The following MGST2 variants were observed in gnomAD, a reference collection of about 807,000 sequenced individuals.
MGST2 encodes the protein microsomal glutathione S-transferase 2.
Under a neutral mutation model 16.6 loss-of-function variants are expected in MGST2, and 9 were observed. That is an observed-to-expected ratio of 0.54 (90% CI 0.33 to 0.95). The LOEUF is 0.95. Among genes scored for constraint, MGST2 ranks in the 40% least tolerant of loss-of-function variants. MGST2 has a pLI of 0.03. For missense variants in MGST2, 159 were observed against 175.1 expected (o/e 0.91, Z 0.52); for synonymous variants, 79 against 68.0 (o/e 1.16, Z -0.79).
At chr4:139,683,716 C>T (rs765961883) in intron 2 of MGST2, among the ~76,000 whole-genome samples, 1 of 151,858 alleles carries the variant, frequency 6.6e-6, no homozygotes, top group African/African-American at 2.4e-5. Flanking sequence ...TGTATTAGTC[C>T]GTTTTCACAC....
Position 139,703,438 on chromosome 4 carries a change from T to C in MGST2, c.230-17T>C. 6.2e-7 allele frequency: 1 copy of C among 1,610,996 alleles called. No individual in the cohort carries two copies. Among genetic ancestry groups the C allele is most frequent in the Non-Finnish European group, 8.5e-7 (1 of 1,177,210 alleles). ...TGTATTTTGTGCCTTTTCTTTTTTT[T>C]TCCCACCCCCCTATAGTTTTTGCTA... On this transcript the variant is annotated splice_polypyrimidine_tract_variant and intron_variant, in intron 3 of 4. Transcript: ENST00000265498.
At chr4:139,736,167 A>C (rs558568081) in intron 5 of MGST2, among the ~76,000 whole-genome samples, 1 of 152,070 alleles carries the variant, frequency 6.6e-6, no homozygotes, top group African/African-American at 2.4e-5. Context: ...GTAAAAAAAA[A>C]TTTTTTTTAA....
chr4:139,701,377 C>T (rs1727240078), intron 3 of MGST2, among the ~76,000 whole-genome samples: 1 of 152,098 alleles, frequency 6.6e-6, no homozygotes, highest in Non-Finnish European at 1.5e-5. Context: ...TGGGAAGGGT[C>T]CACCAGCTCT....
intron 2 of MGST2, among the ~76,000 whole-genome samples, chr4:139,691,855 C>A (rs140995373): frequency 1.3e-4 from 20 of 152,220 alleles, no homozygotes; most frequent in African/African-American, 4.6e-4. Flanking sequence ...CCCGCCACCA[C>A]GCCCGGCTAA....
At chr4:139,727,103 A>G (rs1218822347) in intron 5 of MGST2, among the ~76,000 whole-genome samples, 1 of 152,026 alleles carries the variant, frequency 6.6e-6, no homozygotes, top group Non-Finnish European at 1.5e-5. Flanking sequence ...GTTTATTTCA[A>G]TTTTTTCTCT....
intron 2 of MGST2, among the ~76,000 whole-genome samples, chr4:139,686,555 C>T (rs1731581506): frequency 6.6e-6 from 1 of 152,186 alleles, no homozygotes; most frequent in African/African-American, 2.4e-5. Flanking sequence ...CCCTATTCAA[C>T]AGAGAAAGAA....
At chr4:139,719,774 G>C in intron 5 of MGST2, 10 of 1,613,702 alleles carry the variant, frequency 6.2e-6, no homozygotes, top group Non-Finnish European at 8.5e-6. Flanking sequence ...AGCTTGAAGA[G>C]GGTAGCTGGC....
chr4:139,683,701 G>A (rs984321386), intron 2 of MGST2, among the ~76,000 whole-genome samples: 5 of 152,102 alleles, frequency 3.3e-5, no homozygotes, highest in Admixed American at 2.0e-4. Context: ...GGGAGTGTGT[G>A]TAGGTGTATT....
chr4:139,748,906 A>C, the MGST2 span, among the ~76,000 whole-genome samples: 4 of 152,258 alleles, frequency 2.6e-5, no homozygotes, highest in Admixed American at 2.6e-4. Flanking sequence ...AGCCTCTCTT[A>C]GGGGCTCCTC....
At chr4:139,680,762 A>G (rs960240666) in intron 2 of MGST2, among the ~76,000 whole-genome samples, 1 of 152,150 alleles carries the variant, frequency 6.6e-6, no homozygotes, top group African/African-American at 2.4e-5. Flanking sequence ...GCATTTCTGT[A>G]TTAGAAATCC....
At chr4:139,713,361 C>T (rs1002249883) in intron 5 of MGST2, among the ~76,000 whole-genome samples, 11 of 151,330 alleles carry the variant, frequency 7.3e-5, no homozygotes, top group African/African-American at 2.7e-4. Flanking sequence ...TCTGTGACAC[C>T]TCCTTTGTTT....
chr4:139,689,519 A>T (rs191851622), intron 2 of MGST2, among the ~76,000 whole-genome samples: 1 of 152,264 alleles, frequency 6.6e-6, no homozygotes, highest in East Asian at 1.9e-4. Flanking sequence ...AGTCAGTGTA[A>T]TCATCCAAAA....
chr4:139,712,324 G>A (rs72728788), intron 5 of MGST2, among the ~76,000 whole-genome samples: 18,107 of 152,182 alleles, frequency 0.12, 1,371 homozygotes, highest in African/African-American at 0.2. Context: ...AACAGGGTTA[G>A]CTTAAATTGC....
At chr4:139,745,984 T>A in the MGST2 span, among the ~76,000 whole-genome samples, 29 of 152,238 alleles carry the variant, frequency 1.9e-4, no homozygotes, top group Non-Finnish European at 3.5e-4. Flanking sequence ...TGCTACTAAA[T>A]GTTTCATTCA....
chr4:139,702,843 G>GTTTTTTTTT (rs1727325108), intron 3 of MGST2, among the ~76,000 whole-genome samples: 1 of 27,604 alleles, frequency 3.6e-5, no homozygotes, highest in Non-Finnish European at 1.3e-4. Context: ...TTGTGTTACT[G>GTTTTTTTTT]GTTTTTTTTT....
chr4:139,691,437 C>T (rs547532562), intron 2 of MGST2, among the ~76,000 whole-genome samples: 1 of 152,290 alleles, frequency 6.6e-6, no homozygotes, highest in East Asian at 1.9e-4. Context: ...TTAAACATGC[C>T]TGCTGACAGC....
intron 5 of MGST2, among the ~76,000 whole-genome samples, chr4:139,732,703 G>A (rs1728777173): frequency 6.6e-6 from 1 of 151,844 alleles, no homozygotes; most frequent in South Asian, 2.1e-4. Flanking sequence ...TAAGCAGAAC[G>A]CTGATTTTGA....
intron 3 of MGST2, among the ~76,000 whole-genome samples, chr4:139,700,449 G>A (rs1246708796): frequency 6.6e-6 from 1 of 152,128 alleles, no homozygotes; most frequent in Non-Finnish European, 1.5e-5. Flanking sequence ...CTGTTTTTAA[G>A]TTTTATGCAT....
In MGST2 at chr4:139,698,018, A is replaced by G. The variant is rs1473307434; in HGVS notation, c.229+2751A>G. On this transcript the variant is annotated intron_variant, in intron 3 of 4. Transcript: ENST00000265498. Reference sequence around the variant, plus strand: ...TCTGTCCCCTATTTTTCCACTCGCAATCATATACTTAGGTACCTTTTGACC... The same window carrying G: ...TCTGTCCCCTATTTTTCCACTCGCAGTCATATACTTAGGTACCTTTTGACC... 46 of 591,654 alleles carry G rather than the reference A, an allele frequency of 7.8e-5. No homozygotes were observed. In the East Asian group the frequency reaches 1.1e-3, roughly 14 times the overall value. The allele number at this position is 591,654 out of a possible 1,614,324, so 36.7% of individuals were successfully genotyped here.
Sources: gnomAD v4.1 joint callset for allele counts (sites outside exome capture counted in the v4.1 genomes callset) on GRCh38, gnomAD v4.1.1 for gene constraint, MANE v1.5 for transcripts, NCBI Gene and HGNC (gene_info 2026-07-23, HGNC 2026-07-21) for gene names.